The following PPM1L variants were observed in gnomAD, a reference collection of about 807,000 sequenced individuals.
PPM1L encodes the protein protein phosphatase 1L.
A neutral mutation model predicts 31.4 loss-of-function variants in PPM1L; 13 were observed. The observed-to-expected ratio is 0.41, with a 90% confidence interval of 0.27 to 0.66. PPM1L has a LOEUF of 0.66. PPM1L is among the 30% of genes least tolerant of loss of function. The pLI is 0.29. For missense variants in PPM1L, 326 were observed against 453.7 expected (o/e 0.72, Z 2.56); for synonymous variants, 184 against 175.4 (o/e 1.05, Z -0.39).
At chr3:160,904,092 T>C (rs1033388320) in intron 1 of PPM1L, among the ~76,000 whole-genome samples, 1 of 152,142 alleles carries the variant, frequency 6.6e-6, no homozygotes, top group African/African-American at 2.4e-5. Flanking sequence ...ACCTCTACCA[T>C]GATTATAATG....
At chr3:160,996,496 G>A (rs1479163565) in intron 2 of PPM1L, among the ~76,000 whole-genome samples, 16 of 152,180 alleles carry the variant, frequency 1.1e-4, no homozygotes, top group African/African-American at 3.4e-4. Flanking sequence ...CAGCAACCTG[G>A]ATGGAATTGG....
At chr3:160,989,171 CT>C (rs1344121343) in intron 2 of PPM1L, among the ~76,000 whole-genome samples, 1 of 152,140 alleles carries the variant, frequency 6.6e-6, no homozygotes, top group East Asian at 1.9e-4. Context: ...ATTAATATTT[CT>C]TAATCTGTTT....
rs188442123 is a variant in PPM1L at position 161,046,187 on chromosome 3, G to A, written c.575-19216G>A. On this transcript the variant is annotated intron_variant, in intron 2 of 3. Transcript: ENST00000498165. ...AAAAGATCAACAAAATTGATAGACC[G>A]CTAGCAAGACTAATAAAGAAGAAAA... Among the ~76,000 whole-genome samples, 614 of 147,996 alleles carry A rather than the reference G, an allele frequency of 4.1e-3. 5 individuals are homozygous for A. Among genetic ancestry groups the A allele is most frequent in the African/African-American group, 0.014 (559 of 39,812 alleles).
At chr3:160,893,891 G>T (rs1051700663) in intron 1 of PPM1L, among the ~76,000 whole-genome samples, 23 of 152,068 alleles carry the variant, frequency 1.5e-4, no homozygotes, top group African/African-American at 4.8e-4. Flanking sequence ...TTTGAATTTT[G>T]ATTTTTTCCT....
intron 1 of PPM1L, among the ~76,000 whole-genome samples, chr3:160,859,565 T>C: frequency 6.6e-6 from 1 of 152,244 alleles, no homozygotes; most frequent in Middle Eastern, 3.2e-3. Flanking sequence ...ATGGCATAAC[T>C]TCACCTTTGA....
chr3:161,069,055 G>A lies in PPM1L; in HGVS notation c.981G>A (p.Gly327=). 6.2e-7 allele frequency: 1 copy of A among 1,614,118 alleles called. No homozygotes were observed. The highest frequency in any genetic ancestry group is 1.1e-5 in the South Asian group (1 of 91,080). ...IKERLDEPHF[G]AKSIVLQSFY... is the part of the protein sequence containing the mutation. ...AGCGCTTGGATGAACCTCACTTTGG[G>A]GCCAAGAGCATAGTTTTACAGTCAT... is the stretch of plus-strand genomic sequence containing the variant. Residue 327 remains glycine (G), a synonymous_variant, in exon 4 of 4, where the codon GGG becomes GGA. Coordinates refer to ENST00000498165, the MANE Select transcript of PPM1L (RefSeq NM_139245.4).
chr3:160,961,387 A>G (rs1012192327), intron 1 of PPM1L, among the ~76,000 whole-genome samples: 2 of 152,178 alleles, frequency 1.3e-5, no homozygotes, highest in East Asian at 3.9e-4. Flanking sequence ...TGTCTTCTGC[A>G]TTGTAGACAA....
At chr3:160,851,840 C>T (rs556478458) in intron 1 of PPM1L, among the ~76,000 whole-genome samples, 14 of 152,194 alleles carry the variant, frequency 9.2e-5, no homozygotes, top group Non-Finnish European at 1.9e-4. Context: ...TGACCCTTTC[C>T]GAAGCCTGTA....
intron 1 of PPM1L, among the ~76,000 whole-genome samples, chr3:160,901,534 AGT>A (rs1430042666): frequency 8.5e-5 from 13 of 152,232 alleles, no homozygotes; most frequent in African/African-American, 3.1e-4. Flanking sequence ...CCTCACAGCA[AGT>A]GTTTATTTAA....
chr3:160,839,343 T>G (rs1164173213), intron 1 of PPM1L, among the ~76,000 whole-genome samples: 1 of 152,156 alleles, frequency 6.6e-6, no homozygotes, highest in Non-Finnish European at 1.5e-5. Context: ...TAGATAAGAT[T>G]GAAAAACCAG....
At chr3:160,868,225 A>G (rs1712162269) in intron 1 of PPM1L, among the ~76,000 whole-genome samples, 1 of 152,166 alleles carries the variant, frequency 6.6e-6, no homozygotes, top group Non-Finnish European at 1.5e-5. Flanking sequence ...GTACAAATAC[A>G]CAAGTGACAC....
intron 1 of PPM1L, among the ~76,000 whole-genome samples, chr3:160,950,212 A>G (rs1014303537): frequency 6.6e-6 from 1 of 152,124 alleles, no homozygotes; most frequent in Non-Finnish European, 1.5e-5. Context: ...TTGTAGGTAA[A>G]AATCTGATCA....
At chr3:160,920,586 TTC>T (rs3063236) in intron 1 of PPM1L, among the ~76,000 whole-genome samples, 23,191 of 119,838 alleles carry the variant, frequency 0.19, 2,217 homozygotes, top group East Asian at 0.3. Context: ...TGCATTTAGT[TTC>T]TCTCTCTCTC....
At chr3:160,789,134 G>T (rs1248124767) in intron 1 of PPM1L, among the ~76,000 whole-genome samples, 2 of 151,710 alleles carry the variant, frequency 1.3e-5, no homozygotes, top group South Asian at 2.1e-4. Flanking sequence ...ATTTATTAAA[G>T]ATTTCTATTA....
At chr3:161,034,656 C>G (rs1325865855) in intron 2 of PPM1L, among the ~76,000 whole-genome samples, 2 of 150,568 alleles carry the variant, frequency 1.3e-5, no homozygotes, top group Admixed American at 6.6e-5. Context: ...AACACATGGA[C>G]ACACAGAGGG....
chr3:161,057,902 T>C (rs76439565), intron 2 of PPM1L, among the ~76,000 whole-genome samples: 2,616 of 151,730 alleles, frequency 0.017, 87 homozygotes, highest in African/African-American at 0.06. Context: ...GCAGGGTAAA[T>C]AGCTACTCCA....
rs193148625 is a variant in PPM1L at position 160,967,482 on chromosome 3, A to G, written c.574+5572A>G. ...TCATAGATGGTTGTCTTTTCACTGT[A>G]ACCTTACATGGCAGGAGGGCTGAGA... On this transcript the variant is annotated intron_variant, in intron 2 of 3. Coordinates refer to ENST00000498165, the MANE Select transcript of PPM1L (RefSeq NM_139245.4). Among the ~76,000 whole-genome samples, 4 of 152,036 alleles carry G rather than the reference A, an allele frequency of 2.6e-5. No individual in the cohort carries two copies. In the East Asian group the frequency reaches 7.7e-4, roughly 29 times the overall value.
chr3:160,914,271 T>C (rs1003060662), intron 1 of PPM1L, among the ~76,000 whole-genome samples: 3 of 152,218 alleles, frequency 2.0e-5, no homozygotes, highest in African/African-American at 4.8e-5. Context: ...ATTTGACTTC[T>C]TAGTATTGAG....
chr3:161,021,558 C>T (rs926012374), intron 2 of PPM1L, among the ~76,000 whole-genome samples: 1 of 151,854 alleles, frequency 6.6e-6, no homozygotes, highest in Non-Finnish European at 1.5e-5. Context: ...TTGTTCAAGT[C>T]TTTTATTTAT....
Sources: allele counts gnomAD v4.1 joint callset (sites outside exome capture counted in the v4.1 genomes callset), GRCh38; gene constraint gnomAD v4.1.1; transcripts MANE v1.5; gene names NCBI Gene and HGNC (gene_info 2026-07-23, HGNC 2026-07-21).